The following CDH12 variants were observed in gnomAD, a reference collection of about 807,000 sequenced individuals.
The protein encoded by CDH12 is cadherin-12.
CDH12 carries 41 observed loss-of-function variants against 74.1 expected under a neutral mutation model. That is an observed-to-expected ratio of 0.55 (90% CI 0.43 to 0.72). CDH12 has a LOEUF of 0.72. Ranked by LOEUF, CDH12 falls within the 30% of genes least tolerant of loss-of-function variation. The probability of loss-of-function intolerance (pLI) is 0.00; values close to 1 mark genes in which losing one functional copy is unlikely to be tolerated. For missense variants in CDH12, 945 were observed against 977.2 expected (o/e 0.97, Z 0.44); for synonymous variants, 399 against 355.0 (o/e 1.12, Z -1.39).
intron 3 of CDH12, among the ~76,000 whole-genome samples, chr5:22,307,187 C>G (rs1489456321): frequency 1.3e-5 from 2 of 152,162 alleles, no homozygotes; most frequent in Non-Finnish European, 2.9e-5. Context: ...CTCTACCCCA[C>G]TTTGACTGCT....
intron 1 of CDH12, among the ~76,000 whole-genome samples, chr5:22,616,009 G>A (rs188676474): frequency 6.6e-6 from 1 of 152,226 alleles, no homozygotes; most frequent in Admixed American, 6.5e-5. Context: ...GCTTCTCACT[G>A]CCTTAAACTG....
chr5:22,805,180 G>A (rs1020599038), intron 1 of CDH12, among the ~76,000 whole-genome samples: 1 of 151,814 alleles, frequency 6.6e-6, no homozygotes, highest in African/African-American at 2.4e-5. Flanking sequence ...TCATTATGTT[G>A]GGAGACAAAA....
At chr5:22,061,392 ATATGAGC>A (rs1561069942) in intron 5 of CDH12, among the ~76,000 whole-genome samples, 1 of 152,146 alleles carries the variant, frequency 6.6e-6, no homozygotes, top group African/African-American at 2.4e-5. Context: ...TTTCTCTCAT[ATATGAGC>A]TACGTTTAAA....
At chr5:21,759,817 C>A (rs1274449959) in intron 13 of CDH12, among the ~76,000 whole-genome samples, 2 of 151,936 alleles carry the variant, frequency 1.3e-5, no homozygotes, top group Non-Finnish European at 2.9e-5. Context: ...GTTATCTTTT[C>A]TGCTCCTTTC....
chr5:22,553,187 C>T (rs1738651249), intron 1 of CDH12, among the ~76,000 whole-genome samples: 1 of 152,126 alleles, frequency 6.6e-6, no homozygotes, highest in South Asian at 2.1e-4. Flanking sequence ...TTAATGTTTT[C>T]TCCTGCAAAT....
At chr5:22,788,838 C>T (rs1747773279) in intron 1 of CDH12, among the ~76,000 whole-genome samples, 1 of 151,616 alleles carries the variant, frequency 6.6e-6, no homozygotes, top group African/African-American at 2.4e-5. Context: ...TGGTGCAGTT[C>T]ACTCTATCAG....
chr5:22,216,534 A>G (rs560517137), intron 3 of CDH12, among the ~76,000 whole-genome samples: 1 of 151,930 alleles, frequency 6.6e-6, no homozygotes, highest in African/African-American at 2.4e-5. Flanking sequence ...CTATAAATAC[A>G]TATACATAAA....
At chr5:22,037,166 T>C (rs1739250828) in intron 5 of CDH12, among the ~76,000 whole-genome samples, 1 of 152,222 alleles carries the variant, frequency 6.6e-6, no homozygotes, top group Non-Finnish European at 1.5e-5. Flanking sequence ...TAATGCCTGC[T>C]CCACCTCACA....
chr5:21,996,105 G>GTTTTT (rs61516659), intron 5 of CDH12, among the ~76,000 whole-genome samples: 6 of 113,552 alleles, frequency 5.3e-5, no homozygotes, highest in Non-Finnish European at 7.8e-5. Flanking sequence ...TCACACACAC[G>GTTTTT]TTTTTTTTTT....
rs985166797 is a variant in CDH12, at chr5:21,894,289, G to A, written c.527-39499C>T. Reference sequence around the variant, plus strand: ...AGTTACTCAGGAGGCTGAGACAGGAGAATTGCTTGAACCCGGGAGGCGGAG... The same window carrying A: ...AGTTACTCAGGAGGCTGAGACAGGAAAATTGCTTGAACCCGGGAGGCGGAG... On this transcript the variant is annotated intron_variant, in intron 6 of 14. Coordinates refer to ENST00000382254, the MANE Select transcript of CDH12 (RefSeq NM_004061.5). Among the ~76,000 whole-genome samples the A allele has an allele frequency of 2.7e-5, 4 of 148,628 alleles. No individual in the cohort carries two copies. The Admixed American group carries it at 2.7e-4, about 10-fold the overall frequency.
At chr5:22,476,823 A>G (rs969301874) in intron 2 of CDH12, among the ~76,000 whole-genome samples, 4 of 152,186 alleles carry the variant, frequency 2.6e-5, no homozygotes, top group African/African-American at 9.6e-5. Context: ...AGAGTCAATT[A>G]TAGATTATAC....
rs186665821 is a variant in CDH12, at chr5:22,701,155, T to A, written c.-523+151903A>T. On this transcript the variant is annotated intron_variant, in intron 1 of 14. Transcript: ENST00000382254. ...TCTCTAACAAGGCCACCTTAGAGGC[T>A]CCTTTGGCCAGCTGCCTACTTCACA... 7.8e-4 allele frequency among the ~76,000 whole-genome samples: 119 copies of A among 152,302 alleles called. 3 individuals are homozygous for A. The East Asian group carries it at 0.022, about 28-fold the overall frequency.
intron 7 of CDH12, among the ~76,000 whole-genome samples, chr5:21,842,529 A>G (rs534345229): frequency 6.6e-6 from 1 of 152,312 alleles, no homozygotes; most frequent in East Asian, 1.9e-4. Flanking sequence ...TAGCTACACA[A>G]CAAAATGCCA....
At chr5:22,115,483 C>A (rs1745033943) in intron 4 of CDH12, among the ~76,000 whole-genome samples, 1 of 152,040 alleles carries the variant, frequency 6.6e-6, no homozygotes, top group African/African-American at 2.4e-5. Context: ...TTCACAGCAC[C>A]AAGTTTTTTA....
intron 3 of CDH12, among the ~76,000 whole-genome samples, chr5:22,387,944 TC>T (rs1332886117): frequency 1.3e-5 from 2 of 152,120 alleles, no homozygotes; most frequent in Admixed American, 6.5e-5. Flanking sequence ...ACTAAGACTA[TC>T]AGGCTCATCA....
intron 2 of CDH12, among the ~76,000 whole-genome samples, chr5:22,466,401 G>A (rs1010006361): frequency 6.6e-6 from 1 of 152,170 alleles, no homozygotes. Flanking sequence ...ACAGACCAAA[G>A]CTTGTAAGTC....
At chr5:22,810,744 T>C (rs1749094684) in intron 1 of CDH12, among the ~76,000 whole-genome samples, 1 of 151,904 alleles carries the variant, frequency 6.6e-6, no homozygotes, top group Admixed American at 6.6e-5. Flanking sequence ...ACCGGGCCAG[T>C]GGTATACGCA....
chr5:22,389,160 C>G (rs1207831321), intron 3 of CDH12, among the ~76,000 whole-genome samples: 1 of 152,160 alleles, frequency 6.6e-6, no homozygotes, highest in Non-Finnish European at 1.5e-5. Flanking sequence ...AGGTGGCTAT[C>G]AGTCTCCCAG....
intron 1 of CDH12, among the ~76,000 whole-genome samples, chr5:22,575,589 G>A (rs551311573): frequency 3.3e-5 from 5 of 152,108 alleles, no homozygotes; most frequent in African/African-American, 1.2e-4. Context: ...ATTTGAGACA[G>A]AGTCTCGCTC....
Sources: gnomAD v4.1 joint callset for allele counts (sites outside exome capture counted in the v4.1 genomes callset) on GRCh38, gnomAD v4.1.1 for gene constraint, MANE v1.5 for transcripts, NCBI Gene and HGNC (gene_info 2026-07-23, HGNC 2026-07-21) for gene names.